Variants in KIF5B observed in about 807,000 individuals in gnomAD.
KIF5B encodes kinesin-1 heavy chain.
KIF5B carries 49 observed loss-of-function variants against 132.8 expected under a neutral mutation model. That is an observed-to-expected ratio of 0.37 (90% confidence interval 0.29 to 0.47). The LOEUF (loss-of-function observed/expected upper bound fraction) is 0.47, where lower values mean the gene tolerates loss of function less well. Ranked by LOEUF, KIF5B falls within the 20% of genes least tolerant of loss-of-function variation. The pLI, the probability that KIF5B is intolerant of heterozygous loss-of-function variation, is 1.00. For missense variants in KIF5B, 780 were observed against 1,144.0 expected, an observed-to-expected ratio of 0.68 and a Z score of 4.59; for synonymous variants, 355 against 369.4, an observed-to-expected ratio of 0.96 and a Z score of 0.45.
chr10:32,011,761 C>A (rs1035582601), intron 25 of KIF5B, among the ~76,000 whole-genome samples: 3 of 151,880 alleles, frequency 2.0e-5, no homozygotes, highest in African/African-American at 4.8e-5. Context: ...GTCAGCCCTC[C>A]CTTTGTTTTT....
At chr10:32,031,858 G>C (rs1240670148) in intron 13 of KIF5B, among the ~76,000 whole-genome samples, 3 of 148,674 alleles carry the variant, frequency 2.0e-5, no homozygotes, top group African/African-American at 7.4e-5. Context: ...AATTAGCCAG[G>C]CGTGGTGGCG....
chr10:32,038,417 G>GA (rs1422326716), intron 5 of KIF5B, among the ~76,000 whole-genome samples, 199 bp from the exon 6 acceptor site: 1 of 152,098 alleles, frequency 6.6e-6, no homozygotes, highest in Non-Finnish European at 1.5e-5. Context: ...AGAATTTTAG[G>GA]ACCACTCCAA....
At chr10:32,016,392 G>A (rs1248275085) in intron 24 of KIF5B, among the ~76,000 whole-genome samples, 1 of 151,912 alleles carries the variant, frequency 6.6e-6, no homozygotes, top group Non-Finnish European at 1.5e-5. Context: ...GGAGGCAGAG[G>A]TTGCAGTGAG....
chr10:32,046,649 C>T (rs1841614002), intron 2 of KIF5B, among the ~76,000 whole-genome samples: 1 of 152,114 alleles, frequency 6.6e-6, no homozygotes, highest in African/African-American at 2.4e-5. Flanking sequence ...AACTCCTGGC[C>T]TCAAGCAATC....
intron 1 of KIF5B, among the ~76,000 whole-genome samples, chr10:32,054,731 T>C (rs1841731712): frequency 6.6e-6 from 1 of 152,216 alleles, no homozygotes; most frequent in African/African-American, 2.4e-5. Flanking sequence ...AGCAACATAA[T>C]TTAGTCACTG....
In KIF5B at chr10:32,022,801, T is replaced by C. The variant is rs764577671; in HGVS notation, c.1914+47A>G. On this transcript the variant is annotated intron_variant, in intron 16 of 25. Transcript: ENST00000302418. Reference sequence around the variant, plus strand: ...AAACTTGTATAATAAATAAAATTTCTATGTGGCTGTTTCAAAAAAATGAAT... The same window carrying C: ...AAACTTGTATAATAAATAAAATTTCCATGTGGCTGTTTCAAAAAAATGAAT... The C allele has an allele frequency of 6.8e-6, 9 of 1,326,130 alleles. No homozygotes were observed. The East Asian group carries it at 1.6e-4, about 24-fold the overall frequency. The allele number at this position is 1,326,130 out of a possible 1,614,324, so 82.1% of individuals were successfully genotyped here. A position where few individuals can be genotyped will look rare whatever the true frequency, so the allele number is the denominator to read the frequency against.
intron 3 of KIF5B, 142 bp from the exon 4 acceptor site, chr10:32,039,573 C>A: frequency 1.8e-6 from 1 of 560,256 alleles, no homozygotes; most frequent in Admixed American, 3.7e-5. Flanking sequence ...CCTAAAAAAT[C>A]CAATTCAACT....
At chr10:32,018,893 A>G (rs1165493291) in intron 20 of KIF5B, among the ~76,000 whole-genome samples, 1 of 152,072 alleles carries the variant, frequency 6.6e-6, no homozygotes, top group Non-Finnish European at 1.5e-5. Context: ...ACGGGGTCTC[A>G]CTATATTGCC....
chr10:32,022,663 C>T (rs1841279562), intron 16 of KIF5B, among the ~76,000 whole-genome samples, 185 bp downstream of exon 16: 1 of 152,122 alleles, frequency 6.6e-6, no homozygotes, highest in Non-Finnish European at 1.5e-5. Flanking sequence ...AATTTCTATA[C>T]ATAACCCATA....
chr10:32,029,338 T>C (rs532901912), intron 14 of KIF5B, among the ~76,000 whole-genome samples: 1 of 152,368 alleles, frequency 6.6e-6, no homozygotes, highest in South Asian at 2.1e-4. Flanking sequence ...AACTGGTAAG[T>C]ATAATGCAAA....
intron 1 of KIF5B, among the ~76,000 whole-genome samples, chr10:32,049,193 G>C (rs919942503): frequency 3.9e-5 from 6 of 152,198 alleles, no homozygotes; most frequent in Non-Finnish European, 7.3e-5. Context: ...TGACATGCTA[G>C]AATGATAACC....
chr10:32,045,872 T>C (rs544641449), intron 2 of KIF5B, among the ~76,000 whole-genome samples: 90 of 152,272 alleles, frequency 5.9e-4, no homozygotes, highest in African/African-American at 1.9e-3. Flanking sequence ...GGCTCTGAAG[T>C]TGGCTGAATA....
intron 15 of KIF5B, among the ~76,000 whole-genome samples, chr10:32,027,794 G>A (rs1453543783): frequency 6.6e-6 from 1 of 151,920 alleles, no homozygotes; most frequent in East Asian, 1.9e-4. Context: ...GTAGGGACAA[G>A]GTCTTGCCAC....
intron 19 of KIF5B, among the ~76,000 whole-genome samples, chr10:32,020,771 C>T (rs1459572361): frequency 1.3e-5 from 2 of 151,918 alleles, no homozygotes; most frequent in Non-Finnish European, 2.9e-5. Flanking sequence ...TTGGAGAAGA[C>T]TGTGGTATGC....
intron 25 of KIF5B, among the ~76,000 whole-genome samples, chr10:32,014,181 T>C (rs1841124929): frequency 6.6e-6 from 1 of 152,120 alleles, no homozygotes; most frequent in African/African-American, 2.4e-5. Context: ...ACCAATCACG[T>C]TGTAGAAGAA....
chr10:32,037,500 CA>C lies in KIF5B; in HGVS notation c.586+19del. On this transcript the variant is annotated intron_variant, in intron 7 of 25. Transcript: ENST00000302418. ...TTTTAAGCTGGTTTTAAATCCTAAC[CA>C]GTGTTATTTTCTACTTACTTGTAAC... 1 of 1,597,796 alleles carries C rather than the reference CA, an allele frequency of 6.3e-7. No homozygotes were observed. Among genetic ancestry groups the C allele is most frequent in the Non-Finnish European group, 8.6e-7 (1 of 1,165,550 alleles).
intron 2 of KIF5B, among the ~76,000 whole-genome samples, chr10:32,045,210 A>C (rs1477423953): frequency 2.0e-5 from 3 of 152,204 alleles, no homozygotes; most frequent in Admixed American, 6.5e-5. Context: ...AACTCACGAG[A>C]ACAGCATGAG....
chr10:32,053,421 TA>T (rs34885039), intron 1 of KIF5B, among the ~76,000 whole-genome samples: 15,406 of 135,808 alleles, frequency 0.11, 866 homozygotes, highest in South Asian at 0.14. Flanking sequence ...GGTTACACGT[TA>T]AAAAAAAAAA....
At chr10:32,051,175 T>C (rs1263604560) in intron 1 of KIF5B, among the ~76,000 whole-genome samples, 1 of 152,170 alleles carries the variant, frequency 6.6e-6, no homozygotes, top group East Asian at 1.9e-4. Context: ...TATCTACAAA[T>C]ATACTCCTGA....
Sources: gnomAD v4.1 joint callset for allele counts (sites outside exome capture counted in the v4.1 genomes callset) on GRCh38, gnomAD v4.1.1 for gene constraint, MANE v1.5 for transcripts, NCBI Gene and HGNC (gene_info 2026-07-23, HGNC 2026-07-21) for gene names.